Variants in TNS1 observed in about 807,000 individuals in gnomAD.
TNS1 encodes the protein tensin-1.
A neutral mutation model predicts 168.6 loss-of-function variants in TNS1; 62 were observed. The ratio of observed to expected loss-of-function variants is 0.37; its 90% confidence interval spans 0.30 to 0.45. The LOEUF is 0.45. Among genes scored for constraint, TNS1 ranks in the 20% least tolerant of loss-of-function variants. TNS1 has a pLI of 1.00. For synonymous variants in TNS1, 934 were observed against 933.2 expected (o/e 1.00, Z -0.02); for missense variants, 2,240 against 2,339.4 (o/e 0.96, Z 0.88).
intron 18 of TNS1, among the ~76,000 whole-genome samples, chr2:217,863,489 C>T (rs1369894250): frequency 1.3e-5 from 2 of 152,038 alleles, no homozygotes; most frequent in African/African-American, 4.8e-5. Flanking sequence ...TGTATTGGTC[C>T]CAAATGCCAA....
At chr2:218,009,973 G>A (rs565716388) in intron 1 of TNS1, 25 of 394,240 alleles carry the variant, frequency 6.3e-5, no homozygotes, top group Non-Finnish European at 8.5e-5. Flanking sequence ...TGGCCGAGAC[G>A]GAGGGTCCCT....
intron 3 of TNS1, among the ~76,000 whole-genome samples, chr2:217,961,879 A>G (rs750662028): frequency 6.6e-6 from 1 of 152,220 alleles, no homozygotes; most frequent in Non-Finnish European, 1.5e-5. Flanking sequence ...GTCTACAGTC[A>G]GGGACCTTAA....
At chr2:217,853,423 G>A (rs1337696594) in intron 18 of TNS1, among the ~76,000 whole-genome samples, 1 of 152,170 alleles carries the variant, frequency 6.6e-6, no homozygotes, top group Non-Finnish European at 1.5e-5. Context: ...ATGGGCTAGA[G>A]GGAGGGGTCT....
chr2:217,914,067 G>A (rs940809068), intron 4 of TNS1, among the ~76,000 whole-genome samples: 4 of 148,352 alleles, frequency 2.7e-5, no homozygotes, highest in Admixed American at 1.4e-4. Flanking sequence ...CTTCCAAAAC[G>A]CCCTCCCTCC....
At position 217,813,210 on chromosome 2, in the gene TNS1, C is replaced by G; in HGVS notation, c.4954+5G>C. The G allele has an allele frequency of 1.3e-6, 2 of 1,598,524 alleles. No individual in the cohort carries two copies. ...TGTAGAGATGGGGGCAGGGGGACAG[C>G]TCACCGAAGTTTGGCTCATTGGGGC... On this transcript the variant is annotated splice_donor_5th_base_variant and intron_variant, in intron 27 of 32. Coordinates refer to ENST00000682258, the MANE Select transcript of TNS1 (RefSeq NM_001387777.1). This position sits in a 1 kb window ranked among gnomAD's most constrained non-coding sequence, Gnocchi z 4.0.
intron 3 of TNS1, among the ~76,000 whole-genome samples, chr2:217,926,263 G>T (rs1025502194): frequency 1.3e-5 from 2 of 152,174 alleles, no homozygotes; most frequent in African/African-American, 2.4e-5. Flanking sequence ...GTCACCCGGC[G>T]TATGGTATTT....
intron 24 of TNS1, 36 bp from the exon 25 acceptor site, chr2:217,815,034 A>AAAT: frequency 6.4e-7 from 1 of 1,561,984 alleles, no homozygotes; most frequent in Non-Finnish European, 8.8e-7. Context: ...GTTATGGGTT[A>AAAT]AATTGTGTTC....
intron 18 of TNS1, among the ~76,000 whole-genome samples, chr2:217,869,058 G>A (rs1320646542): frequency 6.6e-6 from 1 of 152,226 alleles, no homozygotes; most frequent in Admixed American, 6.5e-5. Flanking sequence ...CAAAGGAAAA[G>A]GGACTGATCA....
chr2:217,813,136 G>T lies in TNS1; in HGVS notation c.4954+79C>A. ...GCAGAGCCTGTCAGAAAGAACTTGG[G>T]GTCAGACCCCTGGAGGAACCCAGGA... On this transcript the variant is annotated intron_variant, in intron 27 of 32. Transcript: ENST00000682258. This position sits in a 1 kb window ranked among gnomAD's most constrained non-coding sequence, Gnocchi z 4.0. 1 of 1,033,608 alleles carries T rather than the reference G, an allele frequency of 9.7e-7. No homozygotes were observed. The allele number at this position is 1,033,608 out of a possible 1,614,324, so 64.0% of individuals were successfully genotyped here.
At chr2:217,967,013 G>C (rs1350712479) in intron 3 of TNS1, among the ~76,000 whole-genome samples, 1 of 152,160 alleles carries the variant, frequency 6.6e-6, no homozygotes, top group African/African-American at 2.4e-5. Context: ...ACCATGCAGG[G>C]GATACTTAAT....
chr2:217,848,294 C>A lies in TNS1; in HGVS notation c.2223G>T (p.Met741Ile). ...CTTCCGAAAAGGATTGAGAGCGGAA[C>A]ATACCGCTGGGGTCATGGGCATAGT... ...TSHYAHDPSG[M>I]FRSQSFSEAE... is the part of the protein sequence containing the mutation. Residue 741 changes from methionine to isoleucine, a missense_variant, in exon 19 of 33, where the codon ATG (methionine) becomes ATT (isoleucine). Around this residue, in one of 2 missense-constraint regions of TNS1, gnomAD observed 2,131 missense variants for 2,171.2 expected, o/e 0.98. Coordinates refer to ENST00000682258, the MANE Select transcript of TNS1 (RefSeq NM_001387777.1). 1 of 1,545,676 alleles carries A rather than the reference C, an allele frequency of 6.5e-7. No homozygotes were observed. The highest frequency in any genetic ancestry group is 2.0e-5 in the Admixed American group (1 of 51,260).
intron 22 of TNS1, among the ~76,000 whole-genome samples, chr2:217,826,598 G>C (rs10932733): frequency 0.094 from 14,258 of 152,150 alleles, 1,269 homozygotes; most frequent in East Asian, 0.29. Flanking sequence ...CAGCCCTGCT[G>C]CTGCCTCCGC....
intron 24 of TNS1, among the ~76,000 whole-genome samples, chr2:217,817,030 T>C (rs2125147149): frequency 6.6e-6 from 1 of 152,272 alleles, no homozygotes; most frequent in Non-Finnish European, 1.5e-5. Flanking sequence ...CAAACCTGCA[T>C]GAGTTTCGAT....
Position 217,813,693 on chromosome 2 carries a change from T to C in TNS1, c.4853A>G (p.Asn1618Ser), listed in dbSNP as rs773425843. 1.2e-6 allele frequency: 2 copies of C among 1,609,364 alleles called. No homozygotes were observed. Among genetic ancestry groups the C allele is most frequent in the East Asian group, 2.2e-5 (1 of 44,790 alleles). Reference sequence around the variant, plus strand: ...CTGGGAGATGAGGTTACCTTTTTTATTCTGCTGCATGATGGTTGGAGGTGG... The same window carrying C: ...CTGGGAGATGAGGTTACCTTTTTTACTCTGCTGCATGATGGTTGGAGGTGG... ...SSPPPTIMQQ[N>S]KKGDMTHELV... Residue 1618 changes from asparagine to serine, a missense_variant, in exon 26 of 33, where the codon AAT becomes AGT. Asn to Ser is a conservative substitution (Grantham distance 46). Around this residue, in one of 2 missense-constraint regions of TNS1, gnomAD observed 2,131 missense variants for 2,171.2 expected, o/e 0.98. Transcript: ENST00000682258. This position sits in a 1 kb window ranked among gnomAD's most constrained non-coding sequence, Gnocchi z 4.0.
chr2:217,957,141 G>A (rs984764032), intron 3 of TNS1, among the ~76,000 whole-genome samples: 12 of 152,198 alleles, frequency 7.9e-5, no homozygotes, highest in South Asian at 4.1e-4. Flanking sequence ...AGGGCGGCCC[G>A]CCCCCACCCC....
intron 10 of TNS1, among the ~76,000 whole-genome samples, 178 bp from the exon 11 acceptor site, chr2:217,893,190 G>GA (rs960136821): frequency 6.6e-6 from 1 of 152,286 alleles, no homozygotes; most frequent in South Asian, 2.1e-4. Flanking sequence ...CTAAGTCTCA[G>GA]AAAAAACACA....
At chr2:217,964,725 C>T (rs1246889868) in intron 3 of TNS1, among the ~76,000 whole-genome samples, 1 of 152,220 alleles carries the variant, frequency 6.6e-6, no homozygotes, top group African/African-American at 2.4e-5. Flanking sequence ...TGACCTTCCT[C>T]CCCTGCTTCC....
chr2:217,806,937 T>G (rs1293691144), intron 32 of TNS1, among the ~76,000 whole-genome samples: 1 of 152,224 alleles, frequency 6.6e-6, no homozygotes, highest in African/African-American at 2.4e-5. Context: ...CCATTCTCAT[T>G]TTGACCTGTC....
chr2:217,831,942 A>AACAC lies in TNS1; in HGVS notation c.3281-399_3281-396dup, dbSNP rs66652637. On this transcript the variant is annotated intron_variant, in intron 21 of 32. Transcript: ENST00000682258. ...CTCATCCCTCTTCCTACCCTCACCC[A>AACAC]ACACACACACACACACACACACACA... is the stretch of plus-strand genomic sequence containing the variant. Among the ~76,000 whole-genome samples, 394 of 146,280 alleles carry AACAC rather than the reference A, an allele frequency of 2.7e-3. 1 individual carries two copies. The highest frequency in any genetic ancestry group is 5.6e-3 in the East Asian group (28 of 4,960).
Sources: gnomAD v4.1 joint callset for allele counts (sites outside exome capture counted in the v4.1 genomes callset) on GRCh38, gnomAD v4.1.1 for gene constraint, gnomAD v4.1.1 regional missense constraint, Gnocchi (gnomAD v3.1) non-coding constraint, MANE v1.5 for transcripts, NCBI Gene and HGNC (gene_info 2026-07-23, HGNC 2026-07-21) for gene names.